The following ASB15 variants were observed in gnomAD, a reference collection of about 807,000 sequenced individuals.
The protein encoded by ASB15 is ankyrin repeat and SOCS box protein 15.
Under a neutral mutation model 58.0 loss-of-function variants are expected in ASB15, and 54 were observed. The ratio of observed to expected loss-of-function variants is 0.93; its 90% confidence interval spans 0.75 to 1.17. ASB15 has a LOEUF of 1.17. Ranked by LOEUF, ASB15 falls within the 50% of genes most tolerant of loss-of-function variation. The pLI is 0.00. For synonymous variants in ASB15, 249 were observed against 262.4 expected, an observed-to-expected ratio of 0.95 and a Z score of 0.50; for missense variants, 680 against 707.4, an observed-to-expected ratio of 0.96 and a Z score of 0.44.
intron 7 of ASB15, among the ~76,000 whole-genome samples, chr7:123,622,562 G>A (rs1159022105): frequency 6.6e-6 from 1 of 152,160 alleles, no homozygotes; most frequent in Non-Finnish European, 1.5e-5. Context: ...GCCCATTTAT[G>A]CAGTTATTTT....
chr7:123,584,701 A>G (rs952072785), intron 1 of ASB15, among the ~76,000 whole-genome samples: 10 of 152,032 alleles, frequency 6.6e-5, no homozygotes, highest in Non-Finnish European at 1.3e-4. Flanking sequence ...GTTAGCTTTC[A>G]ATGTGCCAGA....
Position 123,580,897 on chromosome 7 carries a change from C to T in ASB15, c.-443+13809C>T, listed in dbSNP as rs146404933. Among the ~76,000 whole-genome samples, 18 of 152,078 alleles carry T rather than the reference C, an allele frequency of 1.2e-4. No individual in the cohort carries two copies. The East Asian group carries it at 3.5e-3, about 29-fold the overall frequency. On this transcript the variant is annotated intron_variant, in intron 1 of 13. Transcript: ENST00000451558. ...TGTTGAAGCTTGGTCAGAGACCGTTCGGTTAAGTCTATTATGAAAAGAGAC... is the reference window on the plus strand; with the variant it reads ...TGTTGAAGCTTGGTCAGAGACCGTTTGGTTAAGTCTATTATGAAAAGAGAC...
rs150470212 is a variant in ASB15, at chr7:123,628,946, G to A, written c.952G>A (p.Gly318Arg). The A allele has an allele frequency of 5.0e-6, 8 of 1,609,470 alleles. No individual in the cohort carries two copies. The African/African-American group carries it at 9.3e-5, about 19-fold the overall frequency. Residue 318 changes from glycine to arginine, a missense_variant, in exon 10 of 12, where the codon GGA (glycine) becomes AGA (arginine). Coordinates refer to ENST00000451215, the MANE Select transcript of ASB15 (RefSeq NM_001290258.2). The part of the protein sequence containing the change: ...GLTPIHSAAD[G>R]QNAQCLELLI... ...AACACCAATTCACTCAGCAGCAGAT[G>A]GACAAAATGCACAGTGTCTAGAACT...
rs375860525 is a variant in ASB15 at position 123,617,680 on chromosome 7, G to A, written c.394G>A (p.Glu132Lys). ...GLVENVRTLLEKGVWPNTKND... is the reference protein window; with the variant it reads ...GLVENVRTLLKKGVWPNTKND... ...GGTGGAAAATGTAAGAACTTTATTA[G>A]AAAAGGGAGTGTGGCCCAACACAAA... Residue 132 changes from glutamate (E) to lysine (K), a missense_variant, in exon 7 of 12, where the codon GAA (glutamate) becomes AAA (lysine). Glu to Lys is a moderately conservative substitution (Grantham distance 56). Transcript: ENST00000451215. The A allele has an allele frequency of 9.9e-6, 16 of 1,612,740 alleles. No individual in the cohort carries two copies. Among genetic ancestry groups the A allele is most frequent in the Non-Finnish European group, 1.2e-5 (14 of 1,178,852 alleles).
intron 2 of ASB15, among the ~76,000 whole-genome samples, chr7:123,606,545 C>T (rs1800156501): frequency 6.6e-6 from 1 of 152,158 alleles, no homozygotes; most frequent in South Asian, 2.1e-4. Context: ...ATATTGTTAA[C>T]TACAGTTACA....
intron 8 of ASB15, 45 bp downstream of exon 8, chr7:123,624,859 C>G: frequency 1.9e-6 from 3 of 1,568,988 alleles, no homozygotes; most frequent in Non-Finnish European, 2.6e-6. Flanking sequence ...TCCTGCCTCT[C>G]GAACTCTCCT....
chr7:123,577,715 A>T (rs933127876), intron 1 of ASB15, among the ~76,000 whole-genome samples: 6 of 152,054 alleles, frequency 3.9e-5, no homozygotes, highest in Non-Finnish European at 8.8e-5. Context: ...TTTTCTTTGG[A>T]TATGGTTATG....
At chr7:123,573,858 T>G (rs1342374376) in intron 1 of ASB15, among the ~76,000 whole-genome samples, 1 of 152,204 alleles carries the variant, frequency 6.6e-6, no homozygotes, top group Admixed American at 6.5e-5. Context: ...GTTTATATTA[T>G]TTTTAGCATG....
chr7:123,596,005 A>G (rs1325592876), intron 1 of ASB15, among the ~76,000 whole-genome samples: 3 of 152,254 alleles, frequency 2.0e-5, no homozygotes, highest in Non-Finnish European at 4.4e-5. Flanking sequence ...AAATCTTGAA[A>G]TCAAGCCATA....
chr7:123,594,960 C>T (rs1050062855), intron 1 of ASB15, among the ~76,000 whole-genome samples: 1 of 152,180 alleles, frequency 6.6e-6, no homozygotes, highest in African/African-American at 2.4e-5. Context: ...AGCTTCCCTG[C>T]CGCTTTGTTT....
Position 123,610,907 on chromosome 7 carries a change from G to A in ASB15, c.-3+2253G>A, listed in dbSNP as rs1800399761. Among the ~76,000 whole-genome samples the A allele has an allele frequency of 1.3e-5, 2 of 151,090 alleles. 1 individual carries two copies. Among genetic ancestry groups the A allele is most frequent in the South Asian group, 4.2e-4 (2 of 4,778 alleles). ...CCTGTAATCCTAGCACATTGCGGGG[G>A]CCCATCTCTACTAAAAATACAAAAA... On this transcript the variant is annotated intron_variant, in intron 3 of 11. Transcript: ENST00000451215.
intron 11 of ASB15, among the ~76,000 whole-genome samples, chr7:123,632,224 T>C (rs6466878): frequency 0.74 from 112,570 of 151,978 alleles, 42,008 homozygotes; most frequent in South Asian, 0.82. Flanking sequence ...GAAAGAACAA[T>C]ACGAGTCAAA....
chr7:123,583,297 C>T (rs1005869443), intron 1 of ASB15, among the ~76,000 whole-genome samples: 5 of 151,820 alleles, frequency 3.3e-5, no homozygotes, highest in African/African-American at 1.2e-4. Context: ...GAAATCAGAG[C>T]TATTTTTGGG....
At chr7:123,614,759 G>C in intron 4 of ASB15, 150 bp downstream of exon 4, 6 of 641,038 alleles carry the variant, frequency 9.4e-6, no homozygotes, top group Non-Finnish European at 1.4e-5. Context: ...AAGGGCCACT[G>C]TTCATAAGTT....
chr7:123,629,734 A>G lies in ASB15; in HGVS notation c.1441-232A>G, dbSNP rs1802021455. Among the ~76,000 whole-genome samples, 3 of 152,170 alleles carry G rather than the reference A, an allele frequency of 2.0e-5. No homozygotes were observed. In the South Asian group the frequency reaches 6.2e-4, roughly 32 times the overall value. ...AGAATATTGGGGCCAGATGGGAAGA[A>G]GCATGACTTCTCCATGCTTTGCTGA... On this transcript the variant is annotated intron_variant, in intron 10 of 11. Transcript: ENST00000451215.
At chr7:123,618,634 G>C (rs1181650163) in intron 7 of ASB15, among the ~76,000 whole-genome samples, 4 of 152,122 alleles carry the variant, frequency 2.6e-5, no homozygotes, top group Admixed American at 1.3e-4. Context: ...GCAGGAGCAG[G>C]AGGAGAGGGA....
At chr7:123,616,738 A>G (rs78149638) in intron 6 of ASB15, among the ~76,000 whole-genome samples, 2,569 of 152,252 alleles carry the variant, frequency 0.017, 73 homozygotes, top group African/African-American at 0.058. Flanking sequence ...TGGTGGAAAG[A>G]TGTGGTTATC....
chr7:123,597,991 C>G (rs1229532258), upstream of ASB15, among the ~76,000 whole-genome samples: 1 of 148,612 alleles, frequency 6.7e-6, no homozygotes, highest in African/African-American at 2.5e-5. Context: ...CCTCCACAGC[C>G]TTCTTAGGTC....
intron 11 of ASB15, among the ~76,000 whole-genome samples, chr7:123,633,825 G>T (rs1470051434): frequency 6.6e-6 from 1 of 152,116 alleles, no homozygotes; most frequent in Non-Finnish European, 1.5e-5. Context: ...GGAAGGAAAT[G>T]AATAAGATGA....
Sources: allele counts gnomAD v4.1 joint callset (sites outside exome capture counted in the v4.1 genomes callset), GRCh38; gene constraint gnomAD v4.1.1; transcripts MANE v1.5; gene names NCBI Gene and HGNC (gene_info 2026-07-23, HGNC 2026-07-21).